Variants in ACKR3 observed in about 807,000 individuals in gnomAD.
ACKR3 encodes the protein atypical chemokine receptor 3.
A neutral mutation model predicts 22.4 loss-of-function variants in ACKR3; 6 were observed. The observed-to-expected ratio is 0.27, with a 90% confidence interval of 0.15 to 0.53. ACKR3 has a LOEUF of 0.53. ACKR3 is among the 20% of genes least tolerant of loss of function. The pLI is 0.96. For synonymous variants in ACKR3, 209 were observed against 205.2 expected (o/e 1.02, Z -0.16); for missense variants, 396 against 475.2 (o/e 0.83, Z 1.55).
At chr2:236,552,563 T>C in the ACKR3 span, among the ~76,000 whole-genome samples, 2 of 152,182 alleles carry the variant, frequency 1.3e-5, no homozygotes, top group Admixed American at 1.3e-4. Flanking sequence ...GGGAGAGAGA[T>C]AATTTTATTT....
At position 236,572,789 on chromosome 2, in the gene ACKR3, C is replaced by T. The variant is rs1017067407; in HGVS notation, c.-27+2865C>T. ...CAATAGACCAGATCAGGTTTCTGGA[C>T]GTGGGATTTATTTGATCCCCCAAAT... On this transcript the variant is annotated intron_variant, in intron 1 of 1. Transcript: ENST00000272928. 3.3e-5 allele frequency among the ~76,000 whole-genome samples: 5 copies of T among 152,286 alleles called. No individual in the cohort carries two copies. In the East Asian group the frequency reaches 9.6e-4, roughly 29 times the overall value.
chr2:236,549,291 C>T, the ACKR3 span, among the ~76,000 whole-genome samples: 3 of 152,234 alleles, frequency 2.0e-5, no homozygotes, highest in African/African-American at 7.2e-5. The surrounding 1 kb of genome is among the most constrained non-coding windows in gnomAD (Gnocchi z 5.3). Context: ...TCCACGGTCC[C>T]TCCTTGGCCT....
chr2:236,552,902 A>G, the ACKR3 span, among the ~76,000 whole-genome samples: 2 of 152,198 alleles, frequency 1.3e-5, no homozygotes, highest in South Asian at 4.1e-4. Flanking sequence ...TCATGTTAGC[A>G]AAGTGTTTGA....
Position 236,574,755 on chromosome 2 carries a change from C to T in ACKR3, c.-27+4831C>T, listed in dbSNP as rs1691372810. On this transcript the variant is annotated intron_variant, in intron 1 of 1. Coordinates refer to ENST00000272928, the MANE Select transcript of ACKR3 (RefSeq NM_020311.3). The surrounding 1 kb of genome is among the most constrained non-coding windows in gnomAD (Gnocchi z 5.6). ...GGATGTGGCTAAATACCCCAGGCTG[C>T]TTGCTGCAGCACGGTCGTTGTCAAG... 6.6e-6 allele frequency among the ~76,000 whole-genome samples: 1 copy of T among 152,166 alleles called. No homozygotes were observed. The highest frequency in any genetic ancestry group is 2.4e-5 in the African/African-American group (1 of 41,422).
chr2:236,569,086 T>C (rs1457957537), upstream of ACKR3, among the ~76,000 whole-genome samples: 1 of 152,222 alleles, frequency 6.6e-6, no homozygotes. Flanking sequence ...ATTGCAATAA[T>C]TGTAGTAAAG....
the ACKR3 span, among the ~76,000 whole-genome samples, chr2:236,543,265 G>A: frequency 6.6e-6 from 1 of 152,148 alleles, no homozygotes; most frequent in African/African-American, 2.4e-5. Context: ...TGGATCAGTG[G>A]CAGGCACCCA....
At chr2:236,575,267 C>G (rs1691383670) in intron 1 of ACKR3, among the ~76,000 whole-genome samples, 1 of 152,184 alleles carries the variant, frequency 6.6e-6, no homozygotes, top group Non-Finnish European at 1.5e-5. Context: ...TCCTACCTTC[C>G]CAGCCCCAAG....
chr2:236,539,318 T>TTG, the ACKR3 span, among the ~76,000 whole-genome samples: 73 of 145,740 alleles, frequency 5.0e-4, no homozygotes, highest in African/African-American at 1.8e-3. Flanking sequence ...TTTTTTTTTT[T>TTG]TTTTTTGTTT....
At chr2:236,579,378 G>A (rs1691475694) in intron 1 of ACKR3, among the ~76,000 whole-genome samples, 1 of 152,364 alleles carries the variant, frequency 6.6e-6, no homozygotes, top group Non-Finnish European at 1.5e-5. Flanking sequence ...TTACAGTGGG[G>A]TTCAGGCAGG....
chr2:236,580,625 A>G lies in ACKR3; in HGVS notation c.160A>G (p.Ile54Val). Residue 54 changes from isoleucine (I) to valine (V), a missense_variant, in exon 2 of 2, where the codon ATC becomes GTC. Physicochemically the swap from Ile to Val is conservative, Grantham distance 29. Transcript: ENST00000272928. The part of the protein sequence containing the change: ...LYTLSFIYIF[I>V]FVIGMIANSV... Reference sequence around the variant, plus strand: ...CACGCTCTCCTTCATTTACATTTTCATCTTCGTCATCGGCATGATTGCCAA... The same window carrying G: ...CACGCTCTCCTTCATTTACATTTTCGTCTTCGTCATCGGCATGATTGCCAA... 6.2e-7 allele frequency: 1 copy of G among 1,613,708 alleles called. No homozygotes were observed. Among genetic ancestry groups the G allele is most frequent in the Non-Finnish European group, 8.5e-7 (1 of 1,179,804 alleles).
the ACKR3 span, among the ~76,000 whole-genome samples, chr2:236,547,807 C>T: frequency 6.6e-6 from 1 of 151,768 alleles, no homozygotes; most frequent in Non-Finnish European, 1.5e-5. Context: ...CTCCAGGCTG[C>T]TTTTAAGATC....
In ACKR3 at chr2:236,581,433, G is replaced by A. The variant is rs1396317109; in HGVS notation, c.968G>A (p.Arg323Lys). ...TACAGCTTCATCAATCGCAACTACAGGTACGAGCTGATGAAGGCCTTCATC... is the reference window on the plus strand; with the variant it reads ...TACAGCTTCATCAATCGCAACTACAAGTACGAGCTGATGAAGGCCTTCATC... ...VLYSFINRNY[R>K]YELMKAFIFK... Residue 323 changes from arginine (R) to lysine (K), a missense_variant, in exon 2 of 2, where the codon AGG becomes AAG. By Grantham distance (26) the Arg-to-Lys change is conservative. Coordinates refer to ENST00000272928, the MANE Select transcript of ACKR3 (RefSeq NM_020311.3). This position sits in a 1 kb window ranked among gnomAD's most constrained non-coding sequence, Gnocchi z 4.4. 12 of 1,614,000 alleles carry A rather than the reference G, an allele frequency of 7.4e-6. No individual in the cohort carries two copies. Among genetic ancestry groups the A allele is most frequent in the African/African-American group, 1.3e-5 (1 of 74,898 alleles).
chr2:236,550,229 T>A, the ACKR3 span, among the ~76,000 whole-genome samples: 1 of 152,162 alleles, frequency 6.6e-6, no homozygotes. The surrounding 1 kb of genome is among the most constrained non-coding windows in gnomAD (Gnocchi z 4.6). Context: ...ACAACATCCT[T>A]CTTCGTGCCT....
At chr2:236,565,260 A>G (rs1559469282), upstream of ACKR3, among the ~76,000 whole-genome samples, 1 of 152,182 alleles carries the variant, frequency 6.6e-6, no homozygotes, top group Non-Finnish European at 1.5e-5. Flanking sequence ...TAACATTCAA[A>G]GAGGCTGTTA....
the ACKR3 span, among the ~76,000 whole-genome samples, chr2:236,543,964 T>C: frequency 1.6e-5 from 1 of 61,214 alleles, no homozygotes; most frequent in Non-Finnish European, 2.9e-5. Flanking sequence ...TATATATATA[T>C]ATATATATAT....
intron 1 of ACKR3, among the ~76,000 whole-genome samples, chr2:236,572,437 C>T (rs902321569): frequency 7.2e-5 from 11 of 152,154 alleles, no homozygotes; most frequent in Non-Finnish European, 1.5e-4. Context: ...GGGGACTTTG[C>T]GTTTTGAAGT....
chr2:236,557,278 G>C, the ACKR3 span, among the ~76,000 whole-genome samples: 1 of 152,132 alleles, frequency 6.6e-6, no homozygotes, highest in East Asian at 1.9e-4. Context: ...GTGTGTGTGT[G>C]TGTGCATACG....
the ACKR3 span, among the ~76,000 whole-genome samples, chr2:236,554,785 C>T: frequency 6.6e-6 from 1 of 152,224 alleles, no homozygotes; most frequent in East Asian, 1.9e-4. Context: ...AACCCTTCCT[C>T]CTGCTGTATC....
At chr2:236,566,095 C>T (rs1183660938), upstream of ACKR3, among the ~76,000 whole-genome samples, 5 of 152,186 alleles carry the variant, frequency 3.3e-5, no homozygotes, top group African/African-American at 1.2e-4. Flanking sequence ...CCGCTCTGGC[C>T]CGCCAGGATC....
Sources: allele counts gnomAD v4.1 joint callset (sites outside exome capture counted in the v4.1 genomes callset), GRCh38; gene constraint gnomAD v4.1.1; non-coding constraint Gnocchi (gnomAD v3.1); transcripts MANE v1.5; gene names NCBI Gene and HGNC (gene_info 2026-07-23, HGNC 2026-07-21).